CLRN2: variants seen among roughly 807,000 people sequenced by gnomAD.
CLRN2 encodes the protein clarin-2.
CLRN2 carries 17 observed loss-of-function variants against 20.1 expected under a neutral mutation model. The observed-to-expected ratio is 0.85, with a 90% CI of 0.58 to 1.27. CLRN2 has a LOEUF of 1.27. Ranked by LOEUF, CLRN2 falls within the 50% of genes most tolerant of loss-of-function variation. The pLI, the probability that CLRN2 is intolerant of heterozygous loss-of-function variation, is 0.00. For missense variants in CLRN2, 288 were observed against 299.5 expected (o/e 0.96, Z 0.28); for synonymous variants, 140 against 126.9 (o/e 1.10, Z -0.70).
chr4:17,523,059 G>C lies in CLRN2; in HGVS notation c.433+16G>C, dbSNP rs760585540. ...GTCCTGGCAGGTAAGAAGTCCCTTA[G>C]GGAGAGAAAATTATGTCCACACCAT... is the stretch of plus-strand genomic sequence containing the variant. On this transcript the variant is annotated intron_variant, in intron 2 of 2. Coordinates refer to ENST00000511148, the MANE Select transcript of CLRN2 (RefSeq NM_001079827.2). The C allele has an allele frequency of 6.3e-7, 1 of 1,596,982 alleles. No homozygotes were observed. Among genetic ancestry groups the C allele is most frequent in the Admixed American group, 1.7e-5 (1 of 59,056 alleles).
chr4:17,515,419 CAGAG>C lies in CLRN2; in HGVS notation c.156_159del (p.Arg52SerfsTer38). 1 of 1,613,956 alleles carries C rather than the reference CAGAG, an allele frequency of 6.2e-7. No individual in the cohort carries two copies. Among genetic ancestry groups the C allele is most frequent in the Middle Eastern group, 1.6e-4 (1 of 6,062 alleles). The stretch of plus-strand genomic sequence containing the variant: ...GAGTGGATCTGGTCAACGCCACAGA[CAGAG>C]AGCTGGTCAAGTTCATTGGGGACAT... On this transcript the variant is annotated frameshift_variant, in exon 1 of 3. Transcript: ENST00000511148. LOFTEE classifies it high-confidence loss of function.
chr4:17,521,633 C>T (rs1711839158), intron 1 of CLRN2, among the ~76,000 whole-genome samples: 1 of 152,164 alleles, frequency 6.6e-6, no homozygotes, highest in Non-Finnish European at 1.5e-5. Context: ...ACCAGGGAAA[C>T]ACAGCCTCCG....
intron 1 of CLRN2, among the ~76,000 whole-genome samples, chr4:17,517,355 G>C (rs575775080): frequency 1.7e-3 from 262 of 152,284 alleles, no homozygotes; most frequent in African/African-American, 4.8e-3. Context: ...GGGGAGGCCA[G>C]AGAGACCTTG....
At chr4:17,515,579 A>G in intron 1 of CLRN2, 60 bp downstream of exon 1, 1 of 1,569,826 alleles carries the variant, frequency 6.4e-7, no homozygotes, top group Non-Finnish European at 8.7e-7. Flanking sequence ...AATGTGTAAG[A>G]GTGCTTATGT....
intron 1 of CLRN2, among the ~76,000 whole-genome samples, chr4:17,515,890 C>T (rs1242887056): frequency 1.3e-5 from 2 of 152,132 alleles, no homozygotes; most frequent in African/African-American, 2.4e-5. Context: ...TGTTAATGTT[C>T]CCATTTTCCA....
chr4:17,525,314 G>A (rs1373838373), intron 2 of CLRN2, among the ~76,000 whole-genome samples: 2 of 152,092 alleles, frequency 1.3e-5, no homozygotes, highest in African/African-American at 4.8e-5. Context: ...ATAGTGTGTA[G>A]TGCATAAAAT....
At chr4:17,517,893 A>C (rs183046260) in intron 1 of CLRN2, among the ~76,000 whole-genome samples, 5 of 152,116 alleles carry the variant, frequency 3.3e-5, no homozygotes, top group Non-Finnish European at 4.4e-5. Context: ...GCTTTACCCC[A>C]GTACAGCTCA....
intron 2 of CLRN2, among the ~76,000 whole-genome samples, chr4:17,525,059 A>G (rs10020773): frequency 6.6e-6 from 1 of 152,118 alleles, no homozygotes; most frequent in Non-Finnish European, 1.5e-5. Flanking sequence ...GAAAAAGGTG[A>G]ATAGCCTTTG....
intron 1 of CLRN2, among the ~76,000 whole-genome samples, chr4:17,519,049 C>G (rs928806001): frequency 1.3e-5 from 2 of 152,234 alleles, no homozygotes; most frequent in Non-Finnish European, 2.9e-5. Context: ...TCCTGCCTCA[C>G]AGGTATTCCA....
intron 1 of CLRN2, among the ~76,000 whole-genome samples, 174 bp downstream of exon 1, chr4:17,515,693 C>T (rs180857229): frequency 1.3e-5 from 2 of 152,328 alleles, no homozygotes; most frequent in African/African-American, 2.4e-5. Context: ...TCCTTCCTTC[C>T]TTGCTTCCTT....
chr4:17,524,810 G>C (rs1711938005), intron 2 of CLRN2, among the ~76,000 whole-genome samples: 1 of 151,860 alleles, frequency 6.6e-6, no homozygotes, highest in Non-Finnish European at 1.5e-5. Flanking sequence ...AGTCTCAGCT[G>C]CTTGAGAGCT....
intron 2 of CLRN2, among the ~76,000 whole-genome samples, chr4:17,525,783 A>G (rs527758889): frequency 6.6e-6 from 1 of 152,362 alleles, no homozygotes; most frequent in Admixed American, 6.5e-5. Context: ...AATTTTCTTA[A>G]AGAGAAAGAA....
At chr4:17,518,563 C>G (rs978214013) in intron 1 of CLRN2, among the ~76,000 whole-genome samples, 2 of 152,134 alleles carry the variant, frequency 1.3e-5, no homozygotes, top group Non-Finnish European at 2.9e-5. Context: ...GAGTTTGAGA[C>G]CAGCCTGGCC....
In CLRN2 at chr4:17,516,882, A is replaced by C. The variant is rs76407514; in HGVS notation, c.253+1363A>C. Among the ~76,000 whole-genome samples, 23 of 152,360 alleles carry C rather than the reference A, an allele frequency of 1.5e-4. No homozygotes were observed. The East Asian group carries it at 4.0e-3, about 27-fold the overall frequency. On this transcript the variant is annotated intron_variant, in intron 1 of 2. Transcript: ENST00000511148. The stretch of plus-strand genomic sequence containing the variant: ...TTTGCACTCTGAAGGTTCTCTAAAC[A>C]ATCTACTGACAAAAGGCAGATTAAT...
chr4:17,523,877 C>T (rs1483743987), intron 2 of CLRN2, among the ~76,000 whole-genome samples: 2 of 150,330 alleles, frequency 1.3e-5, no homozygotes, highest in African/African-American at 4.9e-5. Context: ...ACTCTCCCTC[C>T]TCTCACCTCC....
intron 1 of CLRN2, among the ~76,000 whole-genome samples, chr4:17,516,682 A>C (rs1577199813): frequency 6.6e-6 from 1 of 152,322 alleles, no homozygotes; most frequent in East Asian, 1.9e-4. Context: ...TGGATATTGA[A>C]CAAATAGCTC....
chr4:17,523,016 G>T lies in CLRN2; in HGVS notation c.406G>T (p.Gly136Cys). The T allele has an allele frequency of 6.2e-7, 1 of 1,613,258 alleles. No individual in the cohort carries two copies. Among genetic ancestry groups the T allele is most frequent in the East Asian group, 2.2e-5 (1 of 44,874 alleles). ...GTACCGGGCAGTCAGCGGTCCTGGG[G>T]GCATCTGCCTATGGAATGTCCTGGC... Reference protein sequence around the residue: ...VPYRAVSGPGGICLWNVLAGG... With the variant: ...VPYRAVSGPGCICLWNVLAGG... The change falls in exon 2 of 3, where the codon GGC becomes TGC. Residue 136 changes from glycine (G) to cysteine (C), a missense_variant. Gly to Cys is a radical substitution (Grantham distance 159). Coordinates refer to ENST00000511148, the MANE Select transcript of CLRN2 (RefSeq NM_001079827.2).
rs1711626235 is a variant in CLRN2, at chr4:17,515,205, G to C, written c.-62G>C. 6.3e-7 allele frequency: 1 copy of C among 1,585,950 alleles called. No homozygotes were observed. Among genetic ancestry groups the C allele is most frequent in the Non-Finnish European group, 8.6e-7 (1 of 1,164,462 alleles). On this transcript the variant is annotated 5_prime_UTR_variant, in exon 1 of 3. Transcript: ENST00000511148. ...TGGAGCAGAGCATTGCCGAGTATCTGAAAGATGTCAATGACCCTCGCTGCT... is the reference window on the plus strand; with the variant it reads ...TGGAGCAGAGCATTGCCGAGTATCTCAAAGATGTCAATGACCCTCGCTGCT...
At chr4:17,518,396 A>G (rs1238485158) in intron 1 of CLRN2, among the ~76,000 whole-genome samples, 2 of 152,230 alleles carry the variant, frequency 1.3e-5, no homozygotes, top group Non-Finnish European at 2.9e-5. Context: ...CAATTGTACT[A>G]TGGAGTATTT....
Sources: allele counts gnomAD v4.1 joint callset (sites outside exome capture counted in the v4.1 genomes callset), GRCh38; gene constraint gnomAD v4.1.1; transcripts MANE v1.5; gene names NCBI Gene and HGNC (gene_info 2026-07-23, HGNC 2026-07-21).